TOMM70: variants seen among roughly 807,000 people sequenced by gnomAD.
TOMM70 encodes the protein translocase of outer mitochondrial membrane 70, also known as mitochondrial import receptor subunit TOM70.
Under a neutral mutation model 73.6 loss-of-function variants are expected in TOMM70, and 13 were observed. The observed-to-expected ratio is 0.18, with a 90% CI of 0.11 to 0.28. The LOEUF is 0.28. TOMM70 is among the 10% of genes least tolerant of loss of function. TOMM70 has a pLI of 1.00. For synonymous variants in TOMM70, 257 were observed against 271.2 expected (o/e 0.95, Z 0.51); for missense variants, 609 against 747.5 (o/e 0.81, Z 2.16).
In TOMM70 at chr3:100,400,737, C is replaced by T. The variant is rs891306618; in HGVS notation, c.213G>A (p.Arg71=). 2 of 1,604,586 alleles carry T rather than the reference C, an allele frequency of 1.2e-6. No individual in the cohort carries two copies. The highest frequency in any genetic ancestry group is 1.7e-6 in the Non-Finnish European group (2 of 1,177,568). The change falls in exon 1 of 12, where the codon CGG becomes CGA. Residue 71 remains arginine, a synonymous_variant. Coordinates refer to ENST00000284320, the MANE Select transcript of TOMM70 (RefSeq NM_014820.5). ...TGCGCTTCAGGCCGCTGGCGTCGCC[C>T]CGGCCTCTGGCCTCCCGGCGCCGTT... ...RQQRRREARG[R]GDASGLKRNS...
At chr3:100,379,871 A>G (rs1033771694) in intron 5 of TOMM70, among the ~76,000 whole-genome samples, 1 of 152,126 alleles carries the variant, frequency 6.6e-6, no homozygotes, top group Admixed American at 6.5e-5. Context: ...TGCCCACCTC[A>G]GCCTCTCAAA....
Position 100,368,263 on chromosome 3 carries a change from ATAAGT to A in TOMM70, c.1551-102_1551-98del, listed in dbSNP as rs1450477867. ...CTCAATTTCTGCCTTCAATGAACTT[ATAAGT>A]TAACTTATAACTTATAAGGCAATAT... On this transcript the variant is annotated intron_variant, in intron 10 of 11. Transcript: ENST00000284320. 10 of 1,406,532 alleles carry A rather than the reference ATAAGT, an allele frequency of 7.1e-6. No homozygotes were observed. In the East Asian group the frequency reaches 9.6e-5, roughly 14 times the overall value. 87.1% of individuals were successfully genotyped at this position (1,406,532 alleles called of 1,614,324 possible). A position where few individuals can be genotyped will look rare whatever the true frequency, so the allele number is the denominator to read the frequency against.
chr3:100,375,302 A>C, intron 6 of TOMM70, 150 bp from the exon 7 acceptor site: 1 of 944,432 alleles, frequency 1.1e-6, no homozygotes, highest in Non-Finnish European at 1.5e-6. Flanking sequence ...GTATTCACTA[A>C]GTTGTGTGTT....
At chr3:100,375,280 C>A in intron 6 of TOMM70, 128 bp from the exon 7 acceptor site, 1 of 1,166,430 alleles carries the variant, frequency 8.6e-7, no homozygotes, top group Non-Finnish European at 1.2e-6. Context: ...ATGCATGTCA[C>A]CTGTTTTTAG....
chr3:100,371,318 G>A (rs9836840), intron 9 of TOMM70, among the ~76,000 whole-genome samples: 1,595 of 140,978 alleles, frequency 0.011, 19 homozygotes, highest in African/African-American at 0.04. Context: ...AGGCTGGAGT[G>A]TGGTAGTGTG....
chr3:100,381,523 G>A (rs1440446773), intron 5 of TOMM70, 92 bp downstream of exon 5: 3 of 1,029,878 alleles, frequency 2.9e-6, no homozygotes, highest in East Asian at 5.7e-5. Flanking sequence ...GATAGCTGCT[G>A]TTGTGAGATG....
At chr3:100,383,658 C>CA (rs1217635717) in intron 4 of TOMM70, among the ~76,000 whole-genome samples, 1 of 152,048 alleles carries the variant, frequency 6.6e-6, no homozygotes, top group Non-Finnish European at 1.5e-5. Flanking sequence ...CTGTTTCACT[C>CA]AGCTAATATC....
chr3:100,367,081 C>A (rs1706454164), intron 11 of TOMM70, among the ~76,000 whole-genome samples: 1 of 152,162 alleles, frequency 6.6e-6, no homozygotes, highest in African/African-American at 2.4e-5. Context: ...GTTAGCTGGG[C>A]ATGGTGGTGC....
rs780424364 is a variant in TOMM70, at chr3:100,381,710, A to G, written c.789T>C (p.Ser263=). Reference sequence around the variant, plus strand: ...GCTGGGAAATGATATCATCCGTGAAAGAACTGAAGTAAGATTTGATAAACT... The same window carrying G: ...GCTGGGAAATGATATCATCCGTGAAGGAACTGAAGTAAGATTTGATAAACT... The part of the protein sequence containing the change: ...SPQFIKSYFS[S]FTDDIISQPM... Residue 263 remains serine, a synonymous_variant, in exon 5 of 12, where the codon TCT becomes TCC. Transcript: ENST00000284320. The G allele has an allele frequency of 6.2e-7, 1 of 1,612,684 alleles. No individual in the cohort carries two copies. Among genetic ancestry groups the G allele is most frequent in the Non-Finnish European group, 8.5e-7 (1 of 1,179,180 alleles).
intron 1 of TOMM70, among the ~76,000 whole-genome samples, chr3:100,390,975 T>C (rs1216047471): frequency 1.3e-5 from 2 of 149,406 alleles, no homozygotes; most frequent in Non-Finnish European, 3.0e-5. Context: ...CCGTCTCTAC[T>C]AAAAATACAA....
At chr3:100,367,605 T>G (rs111791274) in intron 11 of TOMM70, among the ~76,000 whole-genome samples, 9 of 152,326 alleles carry the variant, frequency 5.9e-5, no homozygotes, top group African/African-American at 1.9e-4. Flanking sequence ...TGGCCTAAAG[T>G]AGGAAACTCA....
At position 100,375,160 on chromosome 3, in the gene TOMM70, C is replaced by A. The variant is rs1419567438; in HGVS notation, c.1093-8G>T. 1 of 1,564,194 alleles carries A rather than the reference C, an allele frequency of 6.4e-7. No homozygotes were observed. Among genetic ancestry groups the A allele is most frequent in the South Asian group, 1.2e-5 (1 of 83,788 alleles). ...GAGAGCATTTGCTCGAAGCTATATA[C>A]CCCAAGTGAGGAAAGGTTCATCATT... On this transcript the variant is annotated splice_region_variant and splice_polypyrimidine_tract_variant and intron_variant, in intron 6 of 11. Coordinates refer to ENST00000284320, the MANE Select transcript of TOMM70 (RefSeq NM_014820.5).
intron 1 of TOMM70, among the ~76,000 whole-genome samples, chr3:100,393,310 T>G (rs146832721): frequency 1.3e-5 from 2 of 152,160 alleles, no homozygotes; most frequent in Non-Finnish European, 2.9e-5. Flanking sequence ...TTAGATGGAT[T>G]TGGAGGCCAA....
At position 100,400,883 on chromosome 3, in the gene TOMM70, C is replaced by G. The variant is rs1213376306; in HGVS notation, c.67G>C (p.Val23Leu). ...AAAVPSSGSG[V>L]GGGGTAGPGT... ...GGGCCCGCAGTCCCGCCGCCGCCCA[C>G]CCCACTCCCGGAGCTCGGTACAGCG... The change falls in exon 1 of 12, where the codon GTG (valine) becomes CTG (leucine). Residue 23 changes from valine to leucine, a missense_variant. By Grantham distance (32) the Val-to-Leu change is conservative. Transcript: ENST00000284320. The G allele has an allele frequency of 2.0e-6, 3 of 1,529,858 alleles. No individual in the cohort carries two copies. Among genetic ancestry groups the G allele is most frequent in the Non-Finnish European group, 2.6e-6 (3 of 1,145,262 alleles). 94.8% of individuals were successfully genotyped at this position (1,529,858 alleles called of 1,614,324 possible). A position where few individuals can be genotyped will look rare whatever the true frequency, so the allele number is the denominator to read the frequency against.
chr3:100,376,368 A>ATTTTTTTTTTTTTTTTTTTTTT, intron 6 of TOMM70, among the ~76,000 whole-genome samples: 1 of 107,904 alleles, frequency 9.3e-6, no homozygotes, highest in African/African-American at 6.1e-5. Flanking sequence ...TTCACACAGA[A>ATTTTTTTTTTTTTTTTTTTTTT]GTTTTTTTTT....
chr3:100,389,867 C>T (rs953414264), intron 1 of TOMM70, among the ~76,000 whole-genome samples: 4 of 152,102 alleles, frequency 2.6e-5, no homozygotes, highest in Non-Finnish European at 5.9e-5. Context: ...CGTGGTGAAA[C>T]CCTGTCTCTA....
chr3:100,379,970 T>C (rs1016884385), intron 5 of TOMM70, among the ~76,000 whole-genome samples: 3 of 152,214 alleles, frequency 2.0e-5, no homozygotes, highest in African/African-American at 4.8e-5. Context: ...AAAAATCTTA[T>C]AAGCTCTATG....
Position 100,401,029 on chromosome 3 carries a change from G to A in TOMM70, c.-80C>T. 7.1e-7 allele frequency: 1 copy of A among 1,416,366 alleles called. No homozygotes were observed. Among genetic ancestry groups the A allele is most frequent in the Non-Finnish European group, 9.6e-7 (1 of 1,046,910 alleles). 87.7% of individuals were successfully genotyped at this position (1,416,366 alleles called of 1,614,324 possible). On this transcript the variant is annotated 5_prime_UTR_variant, in exon 1 of 12. Coordinates refer to ENST00000284320, the MANE Select transcript of TOMM70 (RefSeq NM_014820.5). The stretch of plus-strand genomic sequence containing the variant: ...AACAGCGTGCGAAGGAAGACCGAGG[G>A]AGGGAAGGAAAGCAATGAGCGAGCG...
chr3:100,368,949 A>G, intron 10 of TOMM70, 89 bp downstream of exon 10: 1 of 870,856 alleles, frequency 1.1e-6, no homozygotes, highest in South Asian at 1.5e-5. Flanking sequence ...TCTCTACCAC[A>G]GTCCCCTTCC....
Sources: gnomAD v4.1 joint callset for allele counts (sites outside exome capture counted in the v4.1 genomes callset) on GRCh38, gnomAD v4.1.1 for gene constraint, MANE v1.5 for transcripts, NCBI Gene and HGNC (gene_info 2026-07-23, HGNC 2026-07-21) for gene names.